PTPRD: variants seen among roughly 807,000 people sequenced by gnomAD.
PTPRD encodes the protein protein tyrosine phosphatase receptor type D.
PTPRD carries 34 observed loss-of-function variants against 214.5 expected under a neutral mutation model. That is an observed-to-expected ratio of 0.16 (90% CI 0.12 to 0.21). The LOEUF is 0.21. PTPRD is among the 10% of genes least tolerant of loss of function. The probability of loss-of-function intolerance (pLI) is 1.00; values close to 1 mark genes in which losing one functional copy is unlikely to be tolerated. For missense variants in PTPRD, 2,545 were observed against 2,398.7 expected, an observed-to-expected ratio of 1.06 and a Z score of -1.27; for synonymous variants, 1,128 against 845.7, an observed-to-expected ratio of 1.33 and a Z score of -5.79.
chr9:9,633,555 A>C (rs1290652690), intron 7 of PTPRD, among the ~76,000 whole-genome samples: 3 of 152,216 alleles, frequency 2.0e-5, no homozygotes, highest in Non-Finnish European at 4.4e-5. Flanking sequence ...TATAGCTATC[A>C]TAAGCAAGGA....
At chr9:9,547,291 A>T (rs77321193) in intron 8 of PTPRD, among the ~76,000 whole-genome samples, 5 of 151,970 alleles carry the variant, frequency 3.3e-5, no homozygotes, top group African/African-American at 9.7e-5. Context: ...GAATGTGCAG[A>T]GCTTACTACA....
chr9:10,471,390 T>C (rs969196549), intron 2 of PTPRD, among the ~76,000 whole-genome samples: 3 of 152,174 alleles, frequency 2.0e-5, no homozygotes, highest in Non-Finnish European at 4.4e-5. Flanking sequence ...CTTTGTACTT[T>C]TTAAATTGTT....
chr9:9,066,658 G>T (rs1010781666), intron 10 of PTPRD, among the ~76,000 whole-genome samples: 1 of 152,132 alleles, frequency 6.6e-6, no homozygotes, highest in Non-Finnish European at 1.5e-5. Flanking sequence ...AGATATGCTT[G>T]TAAGAGAGAG....
At chr9:9,375,775 G>T (rs2060617379) in intron 9 of PTPRD, among the ~76,000 whole-genome samples, 1 of 152,148 alleles carries the variant, frequency 6.6e-6, no homozygotes, top group Non-Finnish European at 1.5e-5. Flanking sequence ...AAAGTAGGAT[G>T]ATGGTTATCA....
intron 4 of PTPRD, among the ~76,000 whole-genome samples, chr9:9,940,232 A>C (rs2091034257): frequency 6.6e-6 from 1 of 152,136 alleles, no homozygotes; most frequent in African/African-American, 2.4e-5. Context: ...TGGGAGTCAC[A>C]GGTAGCGTAA....
chr9:8,541,804 A>C lies in PTPRD; in HGVS notation c.353-13025T>G, dbSNP rs150240414. Among the ~76,000 whole-genome samples the C allele has an allele frequency of 1.1e-4, 17 of 152,340 alleles. No individual in the cohort carries two copies. In the East Asian group the frequency reaches 2.9e-3, roughly 26 times the overall value. On this transcript the variant is annotated intron_variant, in intron 14 of 45. Transcript: ENST00000381196. ...GATTTATTTCTTTTCGAAATGTTTG[A>C]ACTTTCCTCTCTATCAAAAGAATAT...
At chr9:9,926,380 C>A (rs1040470763) in intron 5 of PTPRD, among the ~76,000 whole-genome samples, 2 of 151,814 alleles carry the variant, frequency 1.3e-5, no homozygotes, top group African/African-American at 4.8e-5. Flanking sequence ...GTTGTATTTG[C>A]CCAAATTGTG....
chr9:9,550,899 T>C (rs2080055626), intron 8 of PTPRD, among the ~76,000 whole-genome samples: 1 of 151,890 alleles, frequency 6.6e-6, no homozygotes, highest in Admixed American at 6.6e-5. Flanking sequence ...AACATATCAC[T>C]ACACATTAAC....
intron 8 of PTPRD, among the ~76,000 whole-genome samples, chr9:9,432,663 A>G (rs1458546616): frequency 6.6e-6 from 1 of 152,218 alleles, no homozygotes; most frequent in East Asian, 1.9e-4. Flanking sequence ...TTCAAACAGA[A>G]ATTAGCTATT....
intron 11 of PTPRD, among the ~76,000 whole-genome samples, chr9:8,987,650 G>C (rs984062129): frequency 2.6e-5 from 4 of 152,172 alleles, no homozygotes; most frequent in East Asian, 1.9e-4. Flanking sequence ...TAGTGGTTTA[G>C]ATTTGGGGTG....
At position 9,728,995 on chromosome 9, in the gene PTPRD, T is replaced by C. The variant is rs1212503710; in HGVS notation, c.-287+5538A>G. Among the ~76,000 whole-genome samples the C allele has an allele frequency of 5.3e-5, 8 of 152,112 alleles. No individual in the cohort carries two copies. The East Asian group carries it at 1.5e-3, about 29-fold the overall frequency. ...CACAAGTAAATGGTACTGCAGGTTA[T>C]TTGGTAAAAGTCAGGAGAGAATTAT... On this transcript the variant is annotated intron_variant, in intron 7 of 45. Transcript: ENST00000381196.
intron 11 of PTPRD, among the ~76,000 whole-genome samples, chr9:8,815,654 T>C (rs570312104): frequency 1.0e-3 from 153 of 152,168 alleles, no homozygotes; most frequent in Non-Finnish European, 1.9e-3. Context: ...TTTGAGATTA[T>C]GGGTTTTTTT....
chr9:10,280,475 GA>G (rs1253526468), intron 3 of PTPRD, among the ~76,000 whole-genome samples: 3 of 151,964 alleles, frequency 2.0e-5, no homozygotes, highest in African/African-American at 7.3e-5. Context: ...GATGAGTTCA[GA>G]ATAATTAAAC....
intron 2 of PTPRD, among the ~76,000 whole-genome samples, chr9:10,452,903 G>C (rs187254993): frequency 4.3e-4 from 66 of 151,726 alleles, no homozygotes; most frequent in African/African-American, 1.5e-3. Context: ...ACTGTGAAGA[G>C]CATATCAATG....
intron 3 of PTPRD, among the ~76,000 whole-genome samples, chr9:10,193,142 C>T (rs2099379667): frequency 6.6e-6 from 1 of 152,008 alleles, no homozygotes. Context: ...CCCCCTTCCC[C>T]GTTAAATGAT....
intron 4 of PTPRD, among the ~76,000 whole-genome samples, chr9:10,002,107 G>A (rs1419920214): frequency 6.6e-6 from 1 of 151,496 alleles, no homozygotes; most frequent in Admixed American, 6.6e-5. Flanking sequence ...GAACTAGATT[G>A]TTTTAAATTA....
At chr9:10,126,527 T>A (rs1439139986) in intron 3 of PTPRD, among the ~76,000 whole-genome samples, 1 of 152,038 alleles carries the variant, frequency 6.6e-6, no homozygotes, top group Admixed American at 6.6e-5. Context: ...TCGTTACGAA[T>A]TTTGTATAGA....
At chr9:10,099,468 A>AT (rs1377943955) in intron 3 of PTPRD, among the ~76,000 whole-genome samples, 1 of 151,808 alleles carries the variant, frequency 6.6e-6, no homozygotes, top group African/African-American at 2.4e-5. Flanking sequence ...ATATATGTAA[A>AT]TTCCCAGCAT....
chr9:9,901,968 G>A (rs1354453017), intron 5 of PTPRD, among the ~76,000 whole-genome samples: 1 of 152,174 alleles, frequency 6.6e-6, no homozygotes. Context: ...TGTATGATCT[G>A]TAATTTTCAT....
Sources: allele counts gnomAD v4.1 joint callset (sites outside exome capture counted in the v4.1 genomes callset), GRCh38; gene constraint gnomAD v4.1.1; transcripts MANE v1.5; gene names NCBI Gene and HGNC (gene_info 2026-07-23, HGNC 2026-07-21).